ITGA1: variants seen among roughly 807,000 people sequenced by gnomAD.
The protein encoded by ITGA1 is integrin subunit alpha 1, also known as integrin alpha-1.
Under a neutral mutation model 145.9 loss-of-function variants are expected in ITGA1, and 85 were observed. The observed-to-expected ratio is 0.58, with a 90% CI of 0.49 to 0.70. The LOEUF is 0.70. ITGA1 is among the 30% of genes least tolerant of loss of function. The pLI, the probability that ITGA1 is intolerant of heterozygous loss-of-function variation, is 0.00. For synonymous variants in ITGA1, 520 were observed against 495.3 expected, an observed-to-expected ratio of 1.05 and a Z score of -0.66; for missense variants, 1,351 against 1,418.7, an observed-to-expected ratio of 0.95 and a Z score of 0.77.
intron 12 of ITGA1, among the ~76,000 whole-genome samples, chr5:52,907,438 T>C (rs1010428902): frequency 1.7e-4 from 26 of 152,192 alleles, no homozygotes; most frequent in African/African-American, 6.3e-4. Context: ...ATTAATTGTA[T>C]ACAAGACAAG....
At chr5:52,902,087 T>C (rs926446754) in intron 11 of ITGA1, 38 of 152,190 alleles carry the variant, frequency 2.5e-4, no homozygotes, top group Non-Finnish European at 5.3e-4. Flanking sequence ...AGACTGAGTG[T>C]ATTTTTTCAT....
chr5:52,798,812 C>T (rs551675988), intron 1 of ITGA1, among the ~76,000 whole-genome samples: 4 of 152,206 alleles, frequency 2.6e-5, no homozygotes, highest in African/African-American at 9.6e-5. Context: ...CATAGAAACA[C>T]TTTATGGTAA....
intron 28 of ITGA1, chr5:52,948,851 A>T (rs1335159143): frequency 1.3e-5 from 2 of 152,162 alleles, no homozygotes; most frequent in Non-Finnish European, 2.9e-5. Context: ...CACCGCTGGC[A>T]GGAGAAGAGG....
chr5:52,937,615 CA>C (rs1259874167), intron 24 of ITGA1, 101 bp downstream of exon 24: 2 of 742,136 alleles, frequency 2.7e-6, no homozygotes, highest in African/African-American at 3.5e-5. Context: ...AGAATTTTAC[CA>C]AAGTAACATG....
At position 52,954,493 on chromosome 5, in the gene ITGA1, G is replaced by T. The variant is rs1452194069; in HGVS notation, c.*2042G>T. The T allele has an allele frequency of 6.6e-6, 1 of 152,326 alleles. No individual in the cohort carries two copies. The highest frequency in any genetic ancestry group is 1.9e-4 in the East Asian group (1 of 5,188). The allele number at this position is 152,326 out of a possible 1,614,324, so 9.4% of individuals were successfully genotyped here. On this transcript the variant is annotated 3_prime_UTR_variant, in exon 29 of 29. Coordinates refer to ENST00000282588, the MANE Select transcript of ITGA1 (RefSeq NM_181501.2). ...GTTTTTAGAAAAGAGAGGAAGAGCT[G>T]TTGGCCAGATCAAAGAGATACTTAT...
intron 8 of ITGA1, 148 bp downstream of exon 8, chr5:52,888,113 A>T: frequency 2.8e-6 from 2 of 717,820 alleles, no homozygotes; most frequent in Non-Finnish European, 2.2e-6. Flanking sequence ...ACAGACTTGG[A>T]TCTTGCTCCC....
chr5:52,938,835 T>C (rs1411405405), intron 24 of ITGA1, among the ~76,000 whole-genome samples: 1 of 152,140 alleles, frequency 6.6e-6, no homozygotes, highest in Admixed American at 6.5e-5. Flanking sequence ...AATACATAAA[T>C]ACAGATGAAG....
chr5:52,925,793 C>A (rs992297164), intron 19 of ITGA1, among the ~76,000 whole-genome samples: 4 of 152,162 alleles, frequency 2.6e-5, no homozygotes, highest in Admixed American at 2.6e-4. Flanking sequence ...TAATAACAAT[C>A]AAAGCCAAAA....
chr5:52,791,663 T>C (rs1748244106), intron 1 of ITGA1, among the ~76,000 whole-genome samples: 1 of 152,186 alleles, frequency 6.6e-6, no homozygotes, highest in Non-Finnish European at 1.5e-5. Flanking sequence ...TTTGCATGTA[T>C]TATTTCATTT....
chr5:52,919,811 T>C (rs925582724), intron 16 of ITGA1, among the ~76,000 whole-genome samples: 3 of 152,172 alleles, frequency 2.0e-5, no homozygotes, highest in Admixed American at 2.0e-4. Flanking sequence ...TTATTTTCTT[T>C]ATTGTGGTAT....
At position 52,915,991 on chromosome 5, in the gene ITGA1, G is replaced by A. The variant is rs75977012; in HGVS notation, c.1988+397G>A. ...CTGATACATAGAAACAGATAATCGC[G>A]TAGCACTCTCTGACTCTGTTTATAT... is the stretch of plus-strand genomic sequence containing the variant. On this transcript the variant is annotated intron_variant, in intron 15 of 28. Transcript: ENST00000282588. Among the ~76,000 whole-genome samples the A allele has an allele frequency of 7.0e-3, 1,066 of 152,238 alleles. 9 individuals carry two copies. Among genetic ancestry groups the A allele is most frequent in the Non-Finnish European group, 0.01 (707 of 68,020 alleles).
Position 52,898,258 on chromosome 5 carries a change from C to A in ITGA1, c.1184C>A (p.Ala395Glu). Reference protein sequence around the residue: ...HYSQDWVMLGAVGAYDWNGTV... With the variant: ...HYSQDWVMLGEVGAYDWNGTV... ...TGTAAGGACTGGGTCATGCTTGGAGCAGTAGGAGCCTATGATTGGAATGGA... is the reference window on the plus strand; with the variant it reads ...TGTAAGGACTGGGTCATGCTTGGAGAAGTAGGAGCCTATGATTGGAATGGA... The change falls in exon 11 of 29, where the codon GCA becomes GAA. Residue 395 changes from alanine to glutamate, a missense_variant. Physicochemically the swap from Ala to Glu is moderately radical, Grantham distance 107. Transcript: ENST00000282588. 1 of 1,596,868 alleles carries A rather than the reference C, an allele frequency of 6.3e-7. No homozygotes were observed. The highest frequency in any genetic ancestry group is 8.5e-7 in the Non-Finnish European group (1 of 1,171,560).
chr5:52,903,598 T>C (rs1215065198), intron 11 of ITGA1: 1 of 152,218 alleles, frequency 6.6e-6, no homozygotes, highest in African/African-American at 2.4e-5. Flanking sequence ...TTAACATTTT[T>C]GAAAGAAAGT....
chr5:52,848,922 G>A (rs545202980), intron 1 of ITGA1, among the ~76,000 whole-genome samples: 23 of 152,114 alleles, frequency 1.5e-4, no homozygotes, highest in African/African-American at 5.5e-4. Flanking sequence ...CTTTTTTATG[G>A]CTGCATAGTA....
At chr5:52,931,932 A>T in intron 21 of ITGA1, 115 bp from the exon 22 acceptor site, 1 of 592,786 alleles carries the variant, frequency 1.7e-6, no homozygotes, top group Non-Finnish European at 3.0e-6. Context: ...TAAAAATTAT[A>T]CTCTTACATG....
At chr5:52,848,803 C>T (rs889228064) in intron 1 of ITGA1, among the ~76,000 whole-genome samples, 2 of 150,790 alleles carry the variant, frequency 1.3e-5, no homozygotes, top group African/African-American at 2.4e-5. Context: ...GTTCAATTCC[C>T]ACCTATGAGT....
rs1196264314 is a variant in ITGA1, at chr5:52,922,995, C to G, written c.2403+108C>G. 6.3e-6 allele frequency: 4 copies of G among 638,840 alleles called. No homozygotes were observed. The African/African-American group carries it at 7.6e-5, about 12-fold the overall frequency. 39.6% of individuals were successfully genotyped at this position (638,840 alleles called of 1,614,324 possible). On this transcript the variant is annotated intron_variant, in intron 18 of 28. Transcript: ENST00000282588. ...TGCATTGATCACAAAGAACGAACAA[C>G]TAACTGGAAGAAAGAAAAAAAAGGC...
At chr5:52,884,900 C>T (rs2447865) in intron 7 of ITGA1, among the ~76,000 whole-genome samples, 5 of 152,062 alleles carry the variant, frequency 3.3e-5, no homozygotes, top group South Asian at 2.1e-4. Flanking sequence ...CACAGATTAA[C>T]GGCTCAGTCC....
intron 1 of ITGA1, among the ~76,000 whole-genome samples, chr5:52,846,759 G>C (rs2111746749): frequency 6.6e-6 from 1 of 152,166 alleles, no homozygotes; most frequent in East Asian, 1.9e-4. Context: ...AACCATATTT[G>C]TCCTGGCCTG....
Sources: allele counts gnomAD v4.1 joint callset (sites outside exome capture counted in the v4.1 genomes callset), GRCh38; gene constraint gnomAD v4.1.1; transcripts MANE v1.5; gene names NCBI Gene and HGNC (gene_info 2026-07-23, HGNC 2026-07-21).